The following ZCRB1 variants were observed in gnomAD, a reference collection of about 807,000 sequenced individuals.
ZCRB1 encodes zinc finger CCHC-type and RNA binding motif containing 1, also known as zinc finger CCHC-type and RNA-binding motif-containing protein 1.
ZCRB1 carries 21 observed loss-of-function variants against 29.9 expected under a neutral mutation model. The observed-to-expected ratio is 0.70, with a 90% CI of 0.50 to 1.01. The LOEUF is 1.01. Ranked by LOEUF, ZCRB1 falls within the 50% of genes least tolerant of loss-of-function variation. The pLI, the probability that ZCRB1 is intolerant of heterozygous loss-of-function variation, is 0.00. For missense variants in ZCRB1, 204 were observed against 253.3 expected (o/e 0.81, Z 1.32); for synonymous variants, 77 against 80.0 (o/e 0.96, Z 0.20).
At chr12:42,314,397 T>TGAA (rs1491368678) in intron 5 of ZCRB1, among the ~76,000 whole-genome samples, 1 of 27,736 alleles carries the variant, frequency 3.6e-5, no homozygotes, top group East Asian at 8.9e-4. Context: ...CCGTCTCTAC[T>TGAA]AAAAAAAAAA....
chr12:42,313,809 CAA>C (rs1417096198), intron 6 of ZCRB1, 44 bp from the exon 7 acceptor site: 1 of 1,611,880 alleles, frequency 6.2e-7, no homozygotes, highest in South Asian at 1.1e-5. Context: ...AACCAATAAT[CAA>C]AAGCAACCAA....
Position 42,313,676 on chromosome 12 carries a change from G to C in ZCRB1, c.522+14C>G. ...AACTATTGTATGATGCCTTTTAAAA[G>C]AACAATTTAATACCTGGAATGCTAT... On this transcript the variant is annotated intron_variant, in intron 7 of 7. Coordinates refer to ENST00000266529, the MANE Select transcript of ZCRB1 (RefSeq NM_033114.4). The C allele has an allele frequency of 6.2e-7, 1 of 1,611,186 alleles. No homozygotes were observed. Among genetic ancestry groups the C allele is most frequent in the Non-Finnish European group, 8.5e-7 (1 of 1,179,290 alleles).
intron 1 of ZCRB1, among the ~76,000 whole-genome samples, chr12:42,324,757 T>C (rs1159392144): frequency 6.6e-6 from 1 of 152,188 alleles, no homozygotes; most frequent in Non-Finnish European, 1.5e-5. Flanking sequence ...TTTGAACAGA[T>C]GAAGGAAAAA....
rs139595774 is a variant in ZCRB1 at position 42,319,578 on chromosome 12, A to T, written c.114-1680T>A. ...CAGCTTCTATCTTCTTCCACCTCTG[A>T]ATCACTGCTCATTAAAATTTTCCTC... On this transcript the variant is annotated intron_variant, in intron 3 of 7. Transcript: ENST00000266529. Among the ~76,000 whole-genome samples, 401 of 152,304 alleles carry T rather than the reference A, an allele frequency of 2.6e-3. 2 individuals are homozygous for T. Among genetic ancestry groups the T allele is most frequent in the African/African-American group, 9.2e-3 (382 of 41,554 alleles).
intron 3 of ZCRB1, among the ~76,000 whole-genome samples, chr12:42,321,956 AGATAATAT>A (rs1334366684): frequency 6.6e-6 from 1 of 152,194 alleles, no homozygotes; most frequent in Non-Finnish European, 1.5e-5. Context: ...CTCTGAAGGA[AGATAATAT>A]GTTTTCTATT....
At chr12:42,316,650 C>A (rs1215025892) in intron 5 of ZCRB1, among the ~76,000 whole-genome samples, 2 of 150,450 alleles carry the variant, frequency 1.3e-5, no homozygotes, top group African/African-American at 5.0e-5. Flanking sequence ...ACACAATATC[C>A]CATAGAGGAT....
chr12:42,323,316 T>C (rs568982959), intron 2 of ZCRB1, among the ~76,000 whole-genome samples: 5 of 152,190 alleles, frequency 3.3e-5, no homozygotes, highest in Non-Finnish European at 5.9e-5. Flanking sequence ...CCAGAGTCCT[T>C]ACCATGATGT....
chr12:42,320,763 T>C (rs898942309), intron 3 of ZCRB1, among the ~76,000 whole-genome samples: 1 of 152,160 alleles, frequency 6.6e-6, no homozygotes, highest in Non-Finnish European at 1.5e-5. Context: ...TTTGCTTTTG[T>C]TCCCCTCCAA....
chr12:42,323,369 T>C (rs1012701718), intron 2 of ZCRB1, among the ~76,000 whole-genome samples: 2 of 152,124 alleles, frequency 1.3e-5, no homozygotes, highest in Non-Finnish European at 2.9e-5. Context: ...TACCTAAGAT[T>C]ACCCCTCTTT....
At position 42,312,957 on chromosome 12, in the gene ZCRB1, A is replaced by T; in HGVS notation, c.*110T>A. ...AAAATATCTTTTTTCTTGGGATGAC[A>T]ATAATAGTATTAACATGATAGTATT... On this transcript the variant is annotated 3_prime_UTR_variant, in exon 8 of 8. Coordinates refer to ENST00000266529, the MANE Select transcript of ZCRB1 (RefSeq NM_033114.4). The T allele has an allele frequency of 9.1e-7, 1 of 1,096,380 alleles. No homozygotes were observed. 67.9% of individuals were successfully genotyped at this position (1,096,380 alleles called of 1,614,324 possible). A position where few individuals can be genotyped will look rare whatever the true frequency, so the allele number is the denominator to read the frequency against.
intron 7 of ZCRB1, 61 bp from the exon 8 acceptor site, chr12:42,313,259 A>C: frequency 1.3e-6 from 2 of 1,533,966 alleles, no homozygotes; most frequent in Non-Finnish European, 1.8e-6. Context: ...TGGTTCATTA[A>C]TTCAAAACAT....
chr12:42,324,085 A>G lies in ZCRB1; in HGVS notation c.18T>C (p.Ala6=). MSGGL[A]PSKSTVYVSN... is the part of the protein sequence containing the mutation. The stretch of plus-strand genomic sequence containing the variant: ...ATACATACACTGTGCTCTTACTTGG[A>G]GCCAATCCACCACTCATTTCTAAAA... The change falls in exon 2 of 8, where the codon GCT becomes GCC. Residue 6 remains alanine (A), a synonymous_variant. Coordinates refer to ENST00000266529, the MANE Select transcript of ZCRB1 (RefSeq NM_033114.4). 6.2e-7 allele frequency: 1 copy of G among 1,614,188 alleles called. No homozygotes were observed. The highest frequency in any genetic ancestry group is 8.5e-7 in the Non-Finnish European group (1 of 1,180,008).
chr12:42,325,689 T>C (rs892244616), intron 1 of ZCRB1: 3 of 152,182 alleles, frequency 2.0e-5, no homozygotes, highest in Admixed American at 6.5e-5. Context: ...GCCTCATGTT[T>C]GGTGTTATGG....
In ZCRB1 at chr12:42,313,000, T is replaced by C; in HGVS notation, c.*67A>G. 7.2e-7 allele frequency: 1 copy of C among 1,392,736 alleles called. No homozygotes were observed. The highest frequency in any genetic ancestry group is 9.5e-7 in the Non-Finnish European group (1 of 1,056,370). 86.3% of individuals were successfully genotyped at this position (1,392,736 alleles called of 1,614,324 possible). A position where few individuals can be genotyped will look rare whatever the true frequency, so the allele number is the denominator to read the frequency against. ...ATAGTATTAATTTTTCTTATTTTTATTAAAATTAGCTCTTCAAGATTGTTA... is the reference window on the plus strand; with the variant it reads ...ATAGTATTAATTTTTCTTATTTTTACTAAAATTAGCTCTTCAAGATTGTTA... On this transcript the variant is annotated 3_prime_UTR_variant, in exon 8 of 8. Coordinates refer to ENST00000266529, the MANE Select transcript of ZCRB1 (RefSeq NM_033114.4).
chr12:42,317,813 A>T lies in ZCRB1; in HGVS notation c.199T>A (p.Cys67Ser). ...LFLDKDSAQN[C>S]TRAINNKQLF... ...TGTTTGTTGTTTATTGCCCTGGTAC[A>T]GTTTTGTGCAGAGTCTTTATCCAAA... The change falls in exon 4 of 8, where the codon TGT (cysteine) becomes AGT (serine). Residue 67 changes from cysteine (C) to serine (S), a missense_variant. Transcript: ENST00000266529. The T allele has an allele frequency of 6.2e-7, 1 of 1,613,404 alleles. No individual in the cohort carries two copies.
chr12:42,319,481 C>T (rs1426460813), intron 3 of ZCRB1, among the ~76,000 whole-genome samples: 1 of 152,178 alleles, frequency 6.6e-6, no homozygotes, highest in African/African-American at 2.4e-5. Flanking sequence ...ACTATGAAGT[C>T]TACCCAAAAG....
At chr12:42,317,013 C>T (rs2068597640) in intron 5 of ZCRB1, among the ~76,000 whole-genome samples, 2 of 152,022 alleles carry the variant, frequency 1.3e-5, no homozygotes, top group South Asian at 4.1e-4. Context: ...TTGAGATTGG[C>T]CTGGGCAACA....
intron 3 of ZCRB1, among the ~76,000 whole-genome samples, chr12:42,318,409 G>T (rs925053455): frequency 6.6e-6 from 1 of 152,142 alleles, no homozygotes; most frequent in African/African-American, 2.4e-5. Flanking sequence ...GCAGGAGGAT[G>T]CTTGAGCATG....
rs147640378 is a variant in ZCRB1, at chr12:42,324,056, T to A, written c.47A>T (p.Asn16Ile). 6.2e-7 allele frequency: 1 copy of A among 1,614,200 alleles called. No individual in the cohort carries two copies. Among genetic ancestry groups the A allele is most frequent in the Admixed American group, 1.7e-5 (1 of 60,028 alleles). The part of the protein sequence containing the change: ...APSKSTVYVS[N>I]LPFSLTNNDL... ...ATTGTTTGTCAGGGAAAAAGGCAAG[T>A]TGGATACATACACTGTGCTCTTACT... The change falls in exon 2 of 8, where the codon AAC (asparagine) becomes ATC (isoleucine). Residue 16 changes from asparagine to isoleucine, a missense_variant. Physicochemically the swap from Asn to Ile is moderately radical, Grantham distance 149 (BLOSUM62 -3). Transcript: ENST00000266529.
Sources: allele counts gnomAD v4.1 joint callset (sites outside exome capture counted in the v4.1 genomes callset), GRCh38; gene constraint gnomAD v4.1.1; transcripts MANE v1.5; gene names NCBI Gene and HGNC (gene_info 2026-07-23, HGNC 2026-07-21).